The following CTNNA2 variants were observed in gnomAD, a reference collection of about 807,000 sequenced individuals.
CTNNA2 encodes catenin alpha-2.
CTNNA2 carries 42 observed loss-of-function variants against 101.0 expected under a neutral mutation model. That is an observed-to-expected ratio of 0.42 (90% CI 0.32 to 0.54). CTNNA2 has a LOEUF of 0.54. CTNNA2 is among the 20% of genes least tolerant of loss of function. CTNNA2 has a pLI of 0.14. For missense variants in CTNNA2, 871 were observed against 1,223.1 expected, an observed-to-expected ratio of 0.71 and a Z score of 4.29; for synonymous variants, 450 against 456.4, an observed-to-expected ratio of 0.99 and a Z score of 0.18.
At chr2:80,379,189 C>G (rs1472392864) in intron 7 of CTNNA2, among the ~76,000 whole-genome samples, 5 of 152,030 alleles carry the variant, frequency 3.3e-5, no homozygotes, top group Non-Finnish European at 7.4e-5. Context: ...GTATCAGGAT[C>G]CTGGTTTTTT....
intron 1 of CTNNA2, among the ~76,000 whole-genome samples, chr2:79,533,243 C>G (rs924719467): frequency 5.3e-5 from 8 of 152,046 alleles, no homozygotes; most frequent in Admixed American, 3.9e-4. Context: ...TCCATACCCG[C>G]TACATAACCT....
intron 1 of CTNNA2, among the ~76,000 whole-genome samples, chr2:79,618,193 A>G (rs1456330155): frequency 6.6e-6 from 1 of 152,224 alleles, no homozygotes. Context: ...GCAGCAACCA[A>G]CAAAGTCTGC....
intron 7 of CTNNA2, among the ~76,000 whole-genome samples, chr2:80,260,024 C>T (rs187262664): frequency 6.6e-6 from 1 of 152,288 alleles, no homozygotes; most frequent in East Asian, 1.9e-4. Flanking sequence ...GATTAGTTTT[C>T]ACACTTTATC....
At position 79,555,008 on chromosome 2, in the gene CTNNA2, C is replaced by T. The variant is rs940351913; in HGVS notation, c.-6+41801C>T. 2.6e-5 allele frequency among the ~76,000 whole-genome samples: 4 copies of T among 152,092 alleles called. No individual in the cohort carries two copies. The East Asian group carries it at 7.7e-4, about 29-fold the overall frequency. On this transcript the variant is annotated intron_variant, in intron 1 of 18. Coordinates refer to ENST00000402739, the MANE Select transcript of CTNNA2 (RefSeq NM_001282597.3). ...TTTCAAGATGCAAAACAAAAGAGCCCTTAGAGGCTAAAGCCCAGTGCCACC... is the reference window on the plus strand; with the variant it reads ...TTTCAAGATGCAAAACAAAAGAGCCTTTAGAGGCTAAAGCCCAGTGCCACC...
chr2:79,743,753 C>T (rs1353146854), intron 2 of CTNNA2, among the ~76,000 whole-genome samples: 1 of 152,016 alleles, frequency 6.6e-6, no homozygotes, highest in East Asian at 1.9e-4. Flanking sequence ...AGGCTGGTCT[C>T]GAACTCCTGA....
chr2:79,259,212 C>T (rs1407994792), intron 2 of CTNNA2, among the ~76,000 whole-genome samples: 1 of 152,154 alleles, frequency 6.6e-6, no homozygotes, highest in Non-Finnish European at 1.5e-5. Context: ...TGGCTATATG[C>T]TTTCTGTGCT....
At chr2:80,108,722 A>G (rs1376491805) in intron 7 of CTNNA2, among the ~76,000 whole-genome samples, 2 of 152,088 alleles carry the variant, frequency 1.3e-5, no homozygotes, top group African/African-American at 2.4e-5. Context: ...CAGCTTTCCC[A>G]AGGTCATCCG....
chr2:80,383,079 A>G (rs1676662469), intron 7 of CTNNA2, among the ~76,000 whole-genome samples: 1 of 152,184 alleles, frequency 6.6e-6, no homozygotes, highest in African/African-American at 2.4e-5. Flanking sequence ...AATTAACCCC[A>G]GCTTTTAGCA....
chr2:79,640,782 T>G (rs1377196138), intron 1 of CTNNA2, among the ~76,000 whole-genome samples: 1 of 152,196 alleles, frequency 6.6e-6, no homozygotes, highest in Non-Finnish European at 1.5e-5. Context: ...GGCCTAACTC[T>G]CTACTATATG....
chr2:80,095,616 G>A (rs1247979807), intron 7 of CTNNA2, among the ~76,000 whole-genome samples: 3 of 152,308 alleles, frequency 2.0e-5, no homozygotes, highest in East Asian at 3.9e-4. Context: ...GAATTTGGCT[G>A]TGAATCCGTC....
intron 17 of CTNNA2, among the ~76,000 whole-genome samples, chr2:80,618,265 C>G (rs1699016180): frequency 6.6e-6 from 1 of 151,752 alleles, no homozygotes; most frequent in Admixed American, 6.6e-5. Context: ...GTAACTTGAC[C>G]TCTGAGAGTG....
At chr2:80,022,798 T>G (rs891231472) in intron 7 of CTNNA2, among the ~76,000 whole-genome samples, 1 of 152,056 alleles carries the variant, frequency 6.6e-6, no homozygotes, top group Non-Finnish European at 1.5e-5. Context: ...GCAAGAGAGA[T>G]TAGTCAAAGT....
rs76303354 is a variant in CTNNA2, at chr2:79,280,862, C to A, written c.-405-31847C>A. Among the ~76,000 whole-genome samples the A allele has an allele frequency of 1.7e-4, 26 of 152,062 alleles. No individual in the cohort carries two copies. In the East Asian group the frequency reaches 5.1e-3, roughly 30 times the overall value. ...GAGGATTTACAGGCTACCCTGACTC[C>A]TTTGCCCAGGAAAAGGCCAGAACCA... is the stretch of plus-strand genomic sequence containing the variant. On this transcript the variant is annotated intron_variant, in intron 2 of 21. Coordinates refer to the CTNNA2 transcript ENST00000466387.
At chr2:79,697,228 A>G (rs1684704693) in intron 2 of CTNNA2, among the ~76,000 whole-genome samples, 1 of 152,046 alleles carries the variant, frequency 6.6e-6, no homozygotes, top group African/African-American at 2.4e-5. Context: ...GAGTGTGAAA[A>G]TAGTTCCTCC....
At chr2:80,387,222 G>C (rs568291988) in intron 7 of CTNNA2, among the ~76,000 whole-genome samples, 6 of 152,172 alleles carry the variant, frequency 3.9e-5, no homozygotes, top group Admixed American at 3.3e-4. Flanking sequence ...CCGGGAGGCG[G>C]AGCTTGCAGT....
intron 6 of CTNNA2, among the ~76,000 whole-genome samples, chr2:79,898,998 G>A (rs1166860419): frequency 6.6e-6 from 1 of 152,192 alleles, no homozygotes; most frequent in African/African-American, 2.4e-5. Context: ...TGAAGGGAAG[G>A]AGGAGTATGA....
chr2:80,533,953 T>C (rs13422536), intron 9 of CTNNA2, among the ~76,000 whole-genome samples: 77,279 of 152,018 alleles, frequency 0.51, 20,838 homozygotes, highest in African/African-American at 0.7. Context: ...TGCTTTATTG[T>C]ATTATTTTAA....
intron 2 of CTNNA2, among the ~76,000 whole-genome samples, chr2:79,207,052 T>C (rs1674109059): frequency 6.6e-6 from 1 of 152,228 alleles, no homozygotes; most frequent in Non-Finnish European, 1.5e-5. Context: ...CAAAGTACAT[T>C]GTTTAGACAA....
chr2:79,597,412 C>A (rs1174062144), intron 1 of CTNNA2, among the ~76,000 whole-genome samples: 2 of 149,386 alleles, frequency 1.3e-5, no homozygotes, highest in Non-Finnish European at 3.0e-5. Context: ...GCGGAGCTTG[C>A]AGTGAGTCGA....
Sources: gnomAD v4.1 joint callset for allele counts (sites outside exome capture counted in the v4.1 genomes callset) on GRCh38, gnomAD v4.1.1 for gene constraint, MANE v1.5 for transcripts, NCBI Gene and HGNC (gene_info 2026-07-23, HGNC 2026-07-21) for gene names.